The following ZNRF2 variants were observed in gnomAD, a reference collection of about 807,000 sequenced individuals.
ZNRF2 encodes E3 ubiquitin-protein ligase ZNRF2.
ZNRF2 carries 16 observed loss-of-function variants against 20.4 expected under a neutral mutation model. The ratio of observed to expected loss-of-function variants is 0.79; its 90% CI spans 0.53 to 1.19. The LOEUF is 1.19. Ranked by LOEUF, ZNRF2 falls within the 50% of genes most tolerant of loss-of-function variation. The pLI is 0.00. For synonymous variants in ZNRF2, 178 were observed against 144.9 expected, an observed-to-expected ratio of 1.23 and a Z score of -1.64; for missense variants, 363 against 332.4, an observed-to-expected ratio of 1.09 and a Z score of -0.72.
chr7:30,296,874 G>T (rs1178715852), intron 1 of ZNRF2, among the ~76,000 whole-genome samples: 1 of 152,132 alleles, frequency 6.6e-6, no homozygotes, highest in Admixed American at 6.6e-5. Flanking sequence ...TACTTCATAA[G>T]CACTGTCTCT....
intron 1 of ZNRF2, among the ~76,000 whole-genome samples, chr7:30,312,044 C>G (rs972592192): frequency 6.6e-6 from 1 of 152,124 alleles, no homozygotes; most frequent in African/African-American, 2.4e-5. Flanking sequence ...ATAATTCTAT[C>G]AAATTTTGTT....
intron 1 of ZNRF2, among the ~76,000 whole-genome samples, chr7:30,301,728 T>A (rs933493408): frequency 2.1e-4 from 31 of 148,854 alleles, no homozygotes; most frequent in Non-Finnish European, 2.8e-4. Context: ...AAAAAACTTA[T>A]CTTTGTCTTA....
In ZNRF2 at chr7:30,364,480, C is replaced by CTAAA. The variant is rs139535807; in HGVS notation, c.*23-1538_*23-1535dup. On this transcript the variant is annotated intron_variant, in intron 4 of 4. Coordinates refer to ENST00000323037, the MANE Select transcript of ZNRF2 (RefSeq NM_147128.4). ...CCTGGGTGACTTAGCAAGTCCCTGT[C>CTAAA]TAAATAAATAAATAAATAAAATGTG... Among the ~76,000 whole-genome samples, 547 of 152,024 alleles carry CTAAA rather than the reference C, an allele frequency of 3.6e-3. 23 individuals carry two copies. In the East Asian group the frequency reaches 0.087, roughly 24 times the overall value.
chr7:30,329,746 G>A (rs528962635), intron 2 of ZNRF2, among the ~76,000 whole-genome samples: 1 of 152,282 alleles, frequency 6.6e-6, no homozygotes, highest in Non-Finnish European at 1.5e-5. Context: ...TGGTTATCGT[G>A]AATAGTGCTG....
At chr7:30,324,625 A>G (rs1159968686) in intron 2 of ZNRF2, among the ~76,000 whole-genome samples, 1 of 152,132 alleles carries the variant, frequency 6.6e-6, no homozygotes, top group East Asian at 1.9e-4. Flanking sequence ...AATAGTTTTT[A>G]CTTTGTTAAT....
At chr7:30,332,159 C>T (rs996001801) in intron 2 of ZNRF2, among the ~76,000 whole-genome samples, 18 of 152,100 alleles carry the variant, frequency 1.2e-4, no homozygotes, top group African/African-American at 4.1e-4. Flanking sequence ...TAATCTTAGT[C>T]TTGGTTTTCT....
chr7:30,290,809 T>C (rs1744051270), intron 1 of ZNRF2, among the ~76,000 whole-genome samples: 1 of 152,234 alleles, frequency 6.6e-6, no homozygotes, highest in African/African-American at 2.4e-5. Flanking sequence ...TAATTTACTT[T>C]TAAAAAGTTG....
At chr7:30,287,367 A>G (rs1356273253) in intron 1 of ZNRF2, among the ~76,000 whole-genome samples, 1 of 152,254 alleles carries the variant, frequency 6.6e-6, no homozygotes, top group Non-Finnish European at 1.5e-5. Flanking sequence ...AATTATTAGA[A>G]GATGAATATT....
chr7:30,345,543 T>C (rs1051533226), intron 2 of ZNRF2, among the ~76,000 whole-genome samples: 3 of 152,200 alleles, frequency 2.0e-5, no homozygotes, highest in South Asian at 4.1e-4. Context: ...CTCTTTTTTT[T>C]TTAAATTATT....
intron 1 of ZNRF2, among the ~76,000 whole-genome samples, chr7:30,301,701 A>T (rs796284536): frequency 0.028 from 2,364 of 83,800 alleles, 22 homozygotes; most frequent in Middle Eastern, 0.075. Flanking sequence ...GGCTTTTTTT[A>T]AAAAAAAAAA....
At chr7:30,353,866 C>A (rs1247039810) in intron 2 of ZNRF2, among the ~76,000 whole-genome samples, 1 of 151,892 alleles carries the variant, frequency 6.6e-6, no homozygotes, top group Admixed American at 6.6e-5. Flanking sequence ...TCACATAATT[C>A]TTTGATAAGA....
At chr7:30,325,451 T>G (rs998293800) in intron 2 of ZNRF2, among the ~76,000 whole-genome samples, 1 of 152,196 alleles carries the variant, frequency 6.6e-6, no homozygotes, top group African/African-American at 2.4e-5. Context: ...TAGTCACTGA[T>G]TTCTTTGAGC....
chr7:30,320,178 G>A (rs1467668975), intron 1 of ZNRF2, among the ~76,000 whole-genome samples: 1 of 151,864 alleles, frequency 6.6e-6, no homozygotes, highest in African/African-American at 2.4e-5. Flanking sequence ...TCTGCCATGT[G>A]TCCCAAATAA....
chr7:30,292,049 A>T (rs1284156134), intron 1 of ZNRF2, among the ~76,000 whole-genome samples: 2 of 152,216 alleles, frequency 1.3e-5, no homozygotes, highest in Non-Finnish European at 2.9e-5. Context: ...ACCAGAAATA[A>T]CTGTTAATGT....
intron 1 of ZNRF2, among the ~76,000 whole-genome samples, chr7:30,296,908 C>T (rs1305180635): frequency 6.6e-6 from 1 of 152,238 alleles, no homozygotes; most frequent in South Asian, 2.1e-4. Context: ...CATAAGAAGT[C>T]GGTGGTAGAG....
chr7:30,325,606 T>C (rs187979085), intron 2 of ZNRF2, among the ~76,000 whole-genome samples: 2 of 152,212 alleles, frequency 1.3e-5, no homozygotes, highest in Non-Finnish European at 2.9e-5. Context: ...TGGTAGTGTT[T>C]TGCAAGTTGA....
At chr7:30,363,249 A>G (rs1233663729) in intron 4 of ZNRF2, among the ~76,000 whole-genome samples, 2 of 152,206 alleles carry the variant, frequency 1.3e-5, no homozygotes, top group African/African-American at 4.8e-5. Flanking sequence ...CCAAACCAAA[A>G]AATAATAATT....
chr7:30,331,044 A>T (rs895589204), intron 2 of ZNRF2, among the ~76,000 whole-genome samples: 1 of 152,188 alleles, frequency 6.6e-6, no homozygotes, highest in Admixed American at 6.5e-5. Flanking sequence ...ACTGTTCTCC[A>T]TGGAGTGATG....
At chr7:30,360,334 G>A (rs1368407262) in intron 3 of ZNRF2, among the ~76,000 whole-genome samples, 1 of 152,188 alleles carries the variant, frequency 6.6e-6, no homozygotes, top group African/African-American at 2.4e-5. Context: ...CATTGAAAAT[G>A]TCCATCAGTG....
Sources: allele counts gnomAD v4.1 joint callset (sites outside exome capture counted in the v4.1 genomes callset), GRCh38; gene constraint gnomAD v4.1.1; transcripts MANE v1.5; gene names NCBI Gene and HGNC (gene_info 2026-07-23, HGNC 2026-07-21).